Variants in BRI3BP observed in about 807,000 individuals in gnomAD.
The protein encoded by BRI3BP is BRI3 binding protein, also known as BRI3-binding protein.
In BRI3BP, 7 loss-of-function variants were observed where a neutral mutation model predicts 15.8. The observed-to-expected ratio is 0.44, with a 90% CI of 0.25 to 0.83. The LOEUF is 0.83. BRI3BP is among the 40% of genes least tolerant of loss of function. The pLI is 0.20. For missense variants in BRI3BP, 320 were observed against 339.3 expected (o/e 0.94, Z 0.45); for synonymous variants, 192 against 163.5 (o/e 1.17, Z -1.33).
chr12:124,999,827 C>T (rs11057962), intron 1 of BRI3BP, among the ~76,000 whole-genome samples: 3 of 9,052 alleles, frequency 3.3e-4, no homozygotes, highest in South Asian at 3.9e-3. Flanking sequence ...TCACTGTGTT[C>T]GCCAGGATGG....
chr12:125,048,417 A>T, the BRI3BP span, among the ~76,000 whole-genome samples: 2 of 152,180 alleles, frequency 1.3e-5, no homozygotes, highest in African/African-American at 4.8e-5. Context: ...ATAGTTACTC[A>T]TATCCATTTT....
chr12:124,994,532 C>T (rs1955024789), intron 1 of BRI3BP, among the ~76,000 whole-genome samples: 1 of 152,166 alleles, frequency 6.6e-6, no homozygotes, highest in African/African-American at 2.4e-5. Context: ...ATGCGATTTG[C>T]TCGGTGGCTT....
At chr12:125,003,098 C>G (rs546515677) in intron 1 of BRI3BP, among the ~76,000 whole-genome samples, 1 of 152,332 alleles carries the variant, frequency 6.6e-6, no homozygotes, top group African/African-American at 2.4e-5. Context: ...TGGGAAACCT[C>G]TGAATGGCAG....
chr12:125,038,035 G>GT, the BRI3BP span, among the ~76,000 whole-genome samples: 3 of 152,130 alleles, frequency 2.0e-5, no homozygotes, highest in Non-Finnish European at 4.4e-5. Context: ...GCTCATGCAT[G>GT]TAATCCCAGC....
downstream of BRI3BP, among the ~76,000 whole-genome samples, chr12:125,034,880 G>A (rs574190752): frequency 8.5e-5 from 13 of 152,192 alleles, no homozygotes; most frequent in Admixed American, 2.6e-4. Flanking sequence ...GAACCACCGC[G>A]CCCGGCCCTA....
At chr12:125,003,718 C>T (rs543075978) in intron 1 of BRI3BP, among the ~76,000 whole-genome samples, 4 of 152,090 alleles carry the variant, frequency 2.6e-5, no homozygotes, top group South Asian at 4.2e-4. Flanking sequence ...TTTGGGAGGC[C>T]GAGGCGGGTG....
At chr12:125,036,167 C>T (rs58143245), downstream of BRI3BP, among the ~76,000 whole-genome samples, 2,024 of 151,852 alleles carry the variant, frequency 0.013, 79 homozygotes, top group African/African-American at 0.047. Context: ...CAGGTTCAAG[C>T]GATTCTCCTG....
intron 2 of BRI3BP, among the ~76,000 whole-genome samples, chr12:125,014,228 C>A (rs1194492100): frequency 6.6e-6 from 1 of 152,174 alleles, no homozygotes; most frequent in Non-Finnish European, 1.5e-5. Flanking sequence ...AGGTGGAGGC[C>A]GCTCTTCCCC....
the BRI3BP span, among the ~76,000 whole-genome samples, chr12:125,041,549 G>A: frequency 3.5e-3 from 539 of 152,176 alleles, 5 homozygotes; most frequent in African/African-American, 0.012. Flanking sequence ...TCACCACATA[G>A]TACACAATTC....
chr12:125,009,322 C>T (rs1955175742), intron 1 of BRI3BP, among the ~76,000 whole-genome samples: 2 of 137,862 alleles, frequency 1.5e-5, no homozygotes, highest in South Asian at 4.7e-4. Context: ...TGCTGTCTCC[C>T]TCTATCACCC....
At chr12:125,040,193 T>C in the BRI3BP span, among the ~76,000 whole-genome samples, 1 of 147,084 alleles carries the variant, frequency 6.8e-6, no homozygotes, top group African/African-American at 2.5e-5. Context: ...ACCCAGGAGG[T>C]GGAGGTTGCA....
At position 125,002,465 on chromosome 12, in the gene BRI3BP, T is replaced by TG. The variant is rs200890088; in HGVS notation, c.213+8462_213+8463insG. Among the ~76,000 whole-genome samples, 537 of 150,936 alleles carry TG rather than the reference T, an allele frequency of 3.6e-3. 5 individuals are homozygous for TG. Among genetic ancestry groups the TG allele is most frequent in the Non-Finnish European group, 4.1e-3 (276 of 67,690 alleles). On this transcript the variant is annotated intron_variant, in intron 1 of 2. Transcript: ENST00000341446. ...ACTGGTTTTTTTTTTTGTTTTGTTT[T>TG]TTTTTTTTTTGAGACAGAGTCTCGC...
chr12:125,024,921 C>G, intron 2 of BRI3BP, 70 bp from the exon 3 acceptor site: 1 of 1,395,788 alleles, frequency 7.2e-7, no homozygotes, highest in Non-Finnish European at 9.8e-7. Context: ...GCTCAACTAT[C>G]CAATTCTAGC....
At chr12:125,023,033 GT>G (rs1438349966) in intron 2 of BRI3BP, among the ~76,000 whole-genome samples, 1 of 152,014 alleles carries the variant, frequency 6.6e-6, no homozygotes, top group Admixed American at 6.6e-5. Flanking sequence ...TAACTTTTTT[GT>G]TTGAATTTCT....
At chr12:125,002,461 G>A (rs150257229) in intron 1 of BRI3BP, among the ~76,000 whole-genome samples, 5 of 124,120 alleles carry the variant, frequency 4.0e-5, no homozygotes, top group Middle Eastern at 4.5e-3. Flanking sequence ...TTTTTGTTTT[G>A]TTTTTTTTTT....
chr12:125,004,044 C>T (rs1477174571), intron 1 of BRI3BP, among the ~76,000 whole-genome samples: 1 of 151,968 alleles, frequency 6.6e-6, no homozygotes, highest in Non-Finnish European at 1.5e-5. Context: ...AATTCCTTAA[C>T]ATCTAATGCA....
rs1173969547 is a variant in BRI3BP at position 125,029,040 on chromosome 12, C to T, written c.*3610C>T. The T allele has an allele frequency of 2.0e-5, 3 of 151,980 alleles. No individual in the cohort carries two copies. Among genetic ancestry groups the T allele is most frequent in the African/African-American group, 4.8e-5 (2 of 41,370 alleles). The allele number at this position is 151,980 out of a possible 1,614,324, so 9.4% of individuals were successfully genotyped here. A position where few individuals can be genotyped will look rare whatever the true frequency, so the allele number is the denominator to read the frequency against. ...AAATATCTTAATCAGTGTTAATTTCCCAGTGTTTCAGTATCACAGTAAATA... is the reference window on the plus strand; with the variant it reads ...AAATATCTTAATCAGTGTTAATTTCTCAGTGTTTCAGTATCACAGTAAATA... On this transcript the variant is annotated 3_prime_UTR_variant, in exon 3 of 3. Coordinates refer to ENST00000341446, the MANE Select transcript of BRI3BP (RefSeq NM_080626.6).
the BRI3BP span, among the ~76,000 whole-genome samples, chr12:125,048,015 TAAAAAAAAA>T: frequency 7.3e-6 from 1 of 137,154 alleles, no homozygotes; most frequent in Non-Finnish European, 1.5e-5. Flanking sequence ...TTCTTATAGT[TAAAAAAAAA>T]AAAAAAAAAA....
At position 125,025,292 on chromosome 12, in the gene BRI3BP, AAGCAGTCCC is replaced by A; in HGVS notation, c.622_630del (p.Ser208_Ser210del). The A allele has an allele frequency of 1.2e-6, 2 of 1,613,794 alleles. No individual in the cohort carries two copies. The highest frequency in any genetic ancestry group is 1.1e-5 in the South Asian group (1 of 91,078). On this transcript the variant is annotated inframe_deletion, in exon 3 of 3. Transcript: ENST00000341446. ...CCGGGCCCATGGGCTTCTACTGGCG[AAGCAGTCCC>A]AGCGGCCCCAGCAACCCCAGCAACC...
Sources: allele counts gnomAD v4.1 joint callset (sites outside exome capture counted in the v4.1 genomes callset), GRCh38; gene constraint gnomAD v4.1.1; transcripts MANE v1.5; gene names NCBI Gene and HGNC (gene_info 2026-07-23, HGNC 2026-07-21).